The following MAGI1 variants were observed in gnomAD, a reference collection of about 807,000 sequenced individuals.
The protein encoded by MAGI1 is membrane associated guanylate kinase, WW and PDZ domain containing 1.
MAGI1 carries 58 observed loss-of-function variants against 139.9 expected under a neutral mutation model. The observed-to-expected ratio is 0.41, with a 90% CI of 0.34 to 0.52. The LOEUF (loss-of-function observed/expected upper bound fraction) is 0.52. Ranked by LOEUF, MAGI1 falls within the 20% of genes least tolerant of loss-of-function variation. The pLI is 0.12. For synonymous variants in MAGI1, 812 were observed against 737.9 expected (o/e 1.10, Z -1.63); for missense variants, 1,874 against 1,901.6 (o/e 0.99, Z 0.27).
intron 1 of MAGI1, among the ~76,000 whole-genome samples, chr3:65,809,681 G>A (rs929707125): frequency 6.6e-6 from 1 of 152,200 alleles, no homozygotes; most frequent in Non-Finnish European, 1.5e-5. Context: ...CTGGAGCCCT[G>A]AGGCCAGGGA....
At chr3:65,589,785 T>A (rs1245778702) in intron 2 of MAGI1, among the ~76,000 whole-genome samples, 1 of 151,184 alleles carries the variant, frequency 6.6e-6, no homozygotes, top group Admixed American at 6.6e-5. Context: ...AAATCTGACC[T>A]CAGGACCCTA....
Position 65,924,637 on chromosome 3 carries a change from T to C in MAGI1, c.313+113359A>G, listed in dbSNP as rs374676597. Among the ~76,000 whole-genome samples the C allele has an allele frequency of 2.1e-4, 32 of 152,276 alleles. No individual in the cohort carries two copies. In the South Asian group the frequency reaches 3.1e-3, roughly 15 times the overall value. On this transcript the variant is annotated intron_variant, in intron 1 of 22. Transcript: ENST00000402939. ...ACTAGAGCAGGTTTCCCAGATTGCTTTGGTGGGCTCTTAATTACCGAAGGT... is the reference window on the plus strand; with the variant it reads ...ACTAGAGCAGGTTTCCCAGATTGCTCTGGTGGGCTCTTAATTACCGAAGGT...
intron 1 of MAGI1, among the ~76,000 whole-genome samples, chr3:65,882,845 G>A (rs1186394807): frequency 6.6e-6 from 1 of 150,998 alleles, no homozygotes; most frequent in African/African-American, 2.4e-5. Flanking sequence ...TGAGGTGGGA[G>A]GATCACTTGA....
chr3:65,385,831 G>C (rs1430167403), intron 14 of MAGI1, among the ~76,000 whole-genome samples: 8 of 152,150 alleles, frequency 5.3e-5, no homozygotes, highest in Non-Finnish European at 1.5e-5. Flanking sequence ...AGCACGCTAA[G>C]GTAACAATAT....
intron 2 of MAGI1, among the ~76,000 whole-genome samples, chr3:65,613,871 G>A (rs938024706): frequency 6.6e-6 from 1 of 152,040 alleles, no homozygotes; most frequent in Non-Finnish European, 1.5e-5. Context: ...TATAAATAAG[G>A]CCTCAAAGCC....
At position 65,430,789 on chromosome 3, in the gene MAGI1, C is replaced by T; in HGVS notation, c.1456G>A (p.Val486Met). Residue 486 changes from valine to methionine, a missense_variant, in exon 11 of 23, where the codon GTG becomes ATG. Transcript: ENST00000402939. The stretch of plus-strand genomic sequence containing the variant: ...TCATCAGGTTCATCCCCTCCAACCA[C>T]CGTGAAGCCAAAGCCACGACTGCTT... ...RKSSRGFGFT[V>M]VGGDEPDEFL... 6.2e-7 allele frequency: 1 copy of T among 1,613,806 alleles called. No homozygotes were observed. Among genetic ancestry groups the T allele is most frequent in the Non-Finnish European group, 8.5e-7 (1 of 1,179,834 alleles).
intron 1 of MAGI1, among the ~76,000 whole-genome samples, chr3:65,825,951 C>T (rs1248103190): frequency 6.6e-6 from 1 of 152,074 alleles, no homozygotes; most frequent in Non-Finnish European, 1.5e-5. Flanking sequence ...TCGTGCCACG[C>T]ACTCCAGCCT....
rs1006663742 is a variant in MAGI1, at chr3:65,536,774, A to G, written c.431-43143T>C. On this transcript the variant is annotated intron_variant, in intron 2 of 22. Transcript: ENST00000402939. The stretch of plus-strand genomic sequence containing the variant: ...AAGGAGAAAAAGAAATTCACTTTTC[A>G]TGAAGGATGCTAAGCTTCAAGGATG... Among the ~76,000 whole-genome samples, 6 of 152,322 alleles carry G rather than the reference A, an allele frequency of 3.9e-5. No individual in the cohort carries two copies. The South Asian group carries it at 1.0e-3, about 26-fold the overall frequency.
At chr3:65,900,928 A>G (rs548490995) in intron 1 of MAGI1, among the ~76,000 whole-genome samples, 1 of 152,322 alleles carries the variant, frequency 6.6e-6, no homozygotes, top group Non-Finnish European at 1.5e-5. Context: ...GGCTCTGGGA[A>G]GCAGATCAGT....
At chr3:65,359,196 G>T in intron 22 of MAGI1, 1 of 1,602,260 alleles carries the variant, frequency 6.2e-7, no homozygotes, top group Non-Finnish European at 8.5e-7. Flanking sequence ...CAGAGAGAAG[G>T]AGAAAGAGAG....
intron 1 of MAGI1, among the ~76,000 whole-genome samples, chr3:65,752,083 A>G (rs1159198376): frequency 6.6e-6 from 1 of 152,124 alleles, no homozygotes; most frequent in African/African-American, 2.4e-5. Context: ...AGCTGGGACT[A>G]CAGGCGCAAC....
At chr3:65,690,434 G>T (rs1361894172) in intron 1 of MAGI1, among the ~76,000 whole-genome samples, 2 of 152,034 alleles carry the variant, frequency 1.3e-5, no homozygotes, top group African/African-American at 4.8e-5. Flanking sequence ...AAAAACTGCT[G>T]AATTTTTTTA....
chr3:66,023,872 G>T (rs1428239462), intron 1 of MAGI1, among the ~76,000 whole-genome samples: 1 of 152,140 alleles, frequency 6.6e-6, no homozygotes, highest in Non-Finnish European at 1.5e-5. Context: ...TTTGCACCCA[G>T]TTCTAAGACC....
chr3:65,967,847 T>G (rs1321066898), intron 1 of MAGI1, among the ~76,000 whole-genome samples: 2 of 150,744 alleles, frequency 1.3e-5, no homozygotes, highest in Non-Finnish European at 3.0e-5. Context: ...GAAGGAAGAG[T>G]GAGGAAGGGG....
intron 10 of MAGI1, among the ~76,000 whole-genome samples, chr3:65,436,386 A>C (rs1947856476): frequency 6.6e-6 from 1 of 152,128 alleles, no homozygotes; most frequent in Non-Finnish European, 1.5e-5. Flanking sequence ...TATTTTCTAT[A>C]ATTTAAGAGT....
chr3:65,512,455 A>G lies in MAGI1; in HGVS notation c.431-18824T>C, dbSNP rs1250159113. On this transcript the variant is annotated intron_variant, in intron 2 of 22. Coordinates refer to ENST00000402939, the MANE Select transcript of MAGI1 (RefSeq NM_001033057.2). Reference sequence around the variant, plus strand: ...GAGAGAAGAATCAAATAGACACAATAAAAAATGATAAAGGGGATATCACCA... The same window carrying G: ...GAGAGAAGAATCAAATAGACACAATGAAAAATGATAAAGGGGATATCACCA... Among the ~76,000 whole-genome samples, 4 of 148,136 alleles carry G rather than the reference A, an allele frequency of 2.7e-5. No individual in the cohort carries two copies. In the South Asian group the frequency reaches 6.5e-4, roughly 24 times the overall value.
intron 2 of MAGI1, chr3:65,549,631 C>G (rs2079720317): frequency 4.4e-6 from 1 of 227,060 alleles, no homozygotes; most frequent in South Asian, 1.6e-4. Context: ...GGCTGGTACC[C>G]CTCTACACGC....
intron 18 of MAGI1, among the ~76,000 whole-genome samples, chr3:65,368,754 A>G (rs556015192): frequency 6.6e-6 from 1 of 152,366 alleles, no homozygotes; most frequent in South Asian, 2.1e-4. Context: ...TGCCAAGGAA[A>G]CAGCAATATC....
intron 1 of MAGI1, among the ~76,000 whole-genome samples, chr3:65,956,890 T>C (rs766755453): frequency 2.0e-5 from 3 of 152,086 alleles, no homozygotes; most frequent in Non-Finnish European, 4.4e-5. Flanking sequence ...TAATCCCAGC[T>C]ACTTGGGTGG....
Sources: gnomAD v4.1 joint callset for allele counts (sites outside exome capture counted in the v4.1 genomes callset) on GRCh38, gnomAD v4.1.1 for gene constraint, MANE v1.5 for transcripts, NCBI Gene and HGNC (gene_info 2026-07-23, HGNC 2026-07-21) for gene names.